The following PCDH7 variants were observed in gnomAD, a reference collection of about 807,000 sequenced individuals.
The protein encoded by PCDH7 is protocadherin 7.
In PCDH7, 17 loss-of-function variants were observed where a neutral mutation model predicts 58.9. That is an observed-to-expected ratio of 0.29 (90% CI 0.20 to 0.43). PCDH7 has a LOEUF of 0.43. PCDH7 is among the 20% of genes least tolerant of loss of function. The probability of loss-of-function intolerance (pLI) is 1.00; values close to 1 mark genes in which losing one functional copy is unlikely to be tolerated. For missense variants in PCDH7, 1,274 were observed against 1,441.0 expected (o/e 0.88, Z 1.88); for synonymous variants, 664 against 616.4 (o/e 1.08, Z -1.14).
intron 3 of PCDH7, among the ~76,000 whole-genome samples, chr4:31,129,695 C>A (rs1264982124): frequency 6.6e-6 from 1 of 152,016 alleles, no homozygotes; most frequent in Non-Finnish European, 1.5e-5. Flanking sequence ...TGTAATGGTG[C>A]AATCTCGGCT....
At chr4:31,032,620 A>AG (rs1242427719) in intron 3 of PCDH7, among the ~76,000 whole-genome samples, 10 of 141,408 alleles carry the variant, frequency 7.1e-5, no homozygotes, top group African/African-American at 2.6e-4. Flanking sequence ...AAAAAAAAAA[A>AG]GAAAGAAGAG....
chr4:30,868,453 G>C (rs139203667), intron 1 of PCDH7, among the ~76,000 whole-genome samples: 89 of 152,196 alleles, frequency 5.8e-4, no homozygotes, highest in African/African-American at 1.9e-3. Flanking sequence ...AGCAGGCGTT[G>C]TGTATGTTCT....
intron 1 of PCDH7, among the ~76,000 whole-genome samples, chr4:30,836,475 G>A (rs1730497136): frequency 6.6e-6 from 1 of 152,174 alleles, no homozygotes; most frequent in Non-Finnish European, 1.5e-5. Flanking sequence ...AATAGAAAGT[G>A]TAGGAGAAGG....
At chr4:31,099,598 A>G (rs1714631971) in intron 3 of PCDH7, among the ~76,000 whole-genome samples, 1 of 152,220 alleles carries the variant, frequency 6.6e-6, no homozygotes, top group South Asian at 2.1e-4. Context: ...TGTGTCAGGC[A>G]CTGCGATGCA....
Position 30,874,780 on chromosome 4 carries a change from T to A in PCDH7, c.71-45373T>A, listed in dbSNP as rs200942913. On this transcript the variant is annotated intron_variant, in intron 1 of 3. Coordinates refer to the PCDH7 transcript ENST00000509759. ...TAGAGATGTTGTGAATTTTAAACTATCTTCTCCTCATTTTCTACCATACCA... is the reference window on the plus strand; with the variant it reads ...TAGAGATGTTGTGAATTTTAAACTAACTTCTCCTCATTTTCTACCATACCA... 6.6e-5 allele frequency among the ~76,000 whole-genome samples: 10 copies of A among 152,102 alleles called. No individual in the cohort carries two copies. The East Asian group carries it at 1.9e-3, about 30-fold the overall frequency.
chr4:31,032,120 A>G (rs1214025796), intron 3 of PCDH7, among the ~76,000 whole-genome samples: 5 of 152,202 alleles, frequency 3.3e-5, no homozygotes, highest in Non-Finnish European at 7.3e-5. Context: ...TCAGGCTATG[A>G]CAAACAACTT....
At chr4:30,886,277 A>T (rs1256051482) in intron 1 of PCDH7, among the ~76,000 whole-genome samples, 872 of 126,946 alleles carry the variant, frequency 6.9e-3, no homozygotes, top group East Asian at 0.02. Flanking sequence ...AATTTACAAG[A>T]AAAAAACAAA....
In PCDH7 at chr4:30,766,110, A is replaced by AG. The variant is rs201201355; in HGVS notation, c.70+41517dup. ...CAGACAGATCTCTCCCATTAAATGTAGGGAAAAAAAAAAGGAACTGATTCT... is the reference window on the plus strand; with the variant it reads ...CAGACAGATCTCTCCCATTAAATGTAGGGGAAAAAAAAAAGGAACTGATTCT... On this transcript the variant is annotated intron_variant, in intron 1 of 3. Transcript: ENST00000509759. Among the ~76,000 whole-genome samples, 710 of 90,180 alleles carry AG rather than the reference A, an allele frequency of 7.9e-3. 4 individuals are homozygous for AG. Among genetic ancestry groups the AG allele is most frequent in the African/African-American group, 0.07 (667 of 9,594 alleles). 59.2% of individuals were successfully genotyped at this position (90,180 alleles called of 152,430 possible).
At chr4:31,122,745 G>A (rs1237214155) in intron 3 of PCDH7, among the ~76,000 whole-genome samples, 2 of 150,692 alleles carry the variant, frequency 1.3e-5, no homozygotes, top group African/African-American at 2.4e-5. Flanking sequence ...TAAGTAAATT[G>A]GGATTTAAGC....
intron 1 of PCDH7, among the ~76,000 whole-genome samples, chr4:30,820,149 AAAAG>A (rs1399978990): frequency 5.9e-5 from 9 of 152,154 alleles, no homozygotes; most frequent in Non-Finnish European, 1.2e-4. Flanking sequence ...AGAATACAGG[AAAAG>A]AGAGAGAAAA....
At chr4:31,052,717 GC>G (rs1756855615) in intron 3 of PCDH7, among the ~76,000 whole-genome samples, 1 of 152,130 alleles carries the variant, frequency 6.6e-6, no homozygotes, top group Non-Finnish European at 1.5e-5. Context: ...CACACAGCAA[GC>G]TTTGTTTAAT....
intron 3 of PCDH7, among the ~76,000 whole-genome samples, chr4:31,050,913 T>C (rs933289804): frequency 6.6e-6 from 1 of 152,166 alleles, no homozygotes; most frequent in African/African-American, 2.4e-5. Context: ...TGCTTCACAT[T>C]TATAGCTAGG....
intron 3 of PCDH7, among the ~76,000 whole-genome samples, chr4:31,068,233 A>T (rs1578706478): frequency 1.3e-5 from 2 of 151,786 alleles, no homozygotes; most frequent in Non-Finnish European, 2.9e-5. Flanking sequence ...TAGATAATGT[A>T]TGAAGGCATG....
chr4:30,784,705 A>G (rs988594257), intron 1 of PCDH7, among the ~76,000 whole-genome samples: 1 of 152,094 alleles, frequency 6.6e-6, no homozygotes, highest in African/African-American at 2.4e-5. Context: ...AGAAAAGAAG[A>G]GAAATACTAT....
rs181976985 is a variant in PCDH7, at chr4:31,110,279, A to G, written c.*8-32194A>G. Among the ~76,000 whole-genome samples, 138 of 152,310 alleles carry G rather than the reference A, an allele frequency of 9.1e-4. 2 individuals are homozygous for G. Among genetic ancestry groups the G allele is most frequent in the African/African-American group, 3.2e-3 (132 of 41,580 alleles). On this transcript the variant is annotated intron_variant, in intron 3 of 3. Coordinates refer to the PCDH7 transcript ENST00000509759. ...CCAAAGTGACAACCTTAACACCCAC[A>G]GTTTTTATTTTCAGCAAAGCTGCTT...
At chr4:30,920,185 T>C in exon 2 of PCDH7, 1 of 1,367,766 alleles carries the variant, frequency 7.3e-7, no homozygotes, top group Non-Finnish European at 9.8e-7. Context: ...CTGTTGTGAG[T>C]CAGCCTCAGG....
intron 3 of PCDH7, among the ~76,000 whole-genome samples, chr4:31,137,093 T>G (rs1719691834): frequency 6.6e-6 from 1 of 152,244 alleles, no homozygotes; most frequent in South Asian, 2.1e-4. Context: ...TTTTTCTTGT[T>G]TACCCTTTTG....
intron 3 of PCDH7, among the ~76,000 whole-genome samples, chr4:31,083,410 G>C (rs545235295): frequency 2.0e-5 from 3 of 152,196 alleles, no homozygotes; most frequent in South Asian, 4.1e-4. Context: ...TTAAGAAAGA[G>C]ATTTTTATTT....
At chr4:30,854,034 C>T (rs1265343527) in intron 1 of PCDH7, among the ~76,000 whole-genome samples, 2 of 151,768 alleles carry the variant, frequency 1.3e-5, no homozygotes, top group African/African-American at 4.8e-5. Context: ...CATTCTGTTC[C>T]ATGGTATATT....
Sources: gnomAD v4.1 joint callset for allele counts (sites outside exome capture counted in the v4.1 genomes callset) on GRCh38, gnomAD v4.1.1 for gene constraint, MANE v1.5 for transcripts, NCBI Gene and HGNC (gene_info 2026-07-23, HGNC 2026-07-21) for gene names.